PRKG2: variants seen among roughly 807,000 people sequenced by gnomAD.
PRKG2 encodes the protein protein kinase cGMP-dependent 2.
Under a neutral mutation model 97.2 loss-of-function variants are expected in PRKG2, and 33 were observed. That is an observed-to-expected ratio of 0.34 (90% CI 0.26 to 0.45). The LOEUF is 0.45. Ranked by LOEUF, PRKG2 falls within the 20% of genes least tolerant of loss-of-function variation. The pLI, the probability that PRKG2 is intolerant of heterozygous loss-of-function variation, is 1.00. For synonymous variants in PRKG2, 330 were observed against 321.8 expected (o/e 1.03, Z -0.27); for missense variants, 638 against 900.0 (o/e 0.71, Z 3.73).
At chr4:81,110,680 T>A in intron 14 of PRKG2, 69 bp from the exon 15 acceptor site, 1 of 1,557,342 alleles carries the variant, frequency 6.4e-7, no homozygotes, top group Non-Finnish European at 8.8e-7. Context: ...GCCTCCCTCT[T>A]ACCTCTGAAA....
intron 2 of PRKG2, among the ~76,000 whole-genome samples, chr4:81,197,043 C>T (rs747817663): frequency 6.6e-5 from 10 of 152,086 alleles, no homozygotes; most frequent in Non-Finnish European, 1.2e-4. Context: ...TAGAAAGAGG[C>T]GACAGGAGCT....
At chr4:81,201,745 G>A (rs1753327831) in intron 2 of PRKG2, among the ~76,000 whole-genome samples, 2 of 152,110 alleles carry the variant, frequency 1.3e-5, no homozygotes, top group South Asian at 4.1e-4. Flanking sequence ...GCTTCTATGG[G>A]TGCTTCATAT....
rs1578536747 is a variant in PRKG2, at chr4:81,214,051, C to T, written c.-14+885G>A. On this transcript the variant is annotated intron_variant, in intron 1 of 18. Coordinates refer to ENST00000264399, the MANE Select transcript of PRKG2 (RefSeq NM_006259.3). ...TGTTATGTGGGATGATCGCCTTCTT[C>T]ATGAGTTAAATAGAAACTTGCAAAG... is the stretch of plus-strand genomic sequence containing the variant. Among the ~76,000 whole-genome samples, 3 of 147,590 alleles carry T rather than the reference C, an allele frequency of 2.0e-5. No homozygotes were observed. The South Asian group carries it at 6.6e-4, about 32-fold the overall frequency.
chr4:81,143,990 C>T (rs1747552997), intron 10 of PRKG2, among the ~76,000 whole-genome samples: 1 of 152,106 alleles, frequency 6.6e-6, no homozygotes, highest in South Asian at 2.1e-4. Flanking sequence ...GATTAGAACA[C>T]CTCTCCCTAA....
At chr4:81,110,262 C>A (rs1743761699) in intron 15 of PRKG2, among the ~76,000 whole-genome samples, 186 bp downstream of exon 15, 2 of 152,042 alleles carry the variant, frequency 1.3e-5, no homozygotes, top group African/African-American at 4.8e-5. Context: ...CTTCCTGAAT[C>A]TTTTCTTTAT....
At chr4:81,121,713 C>T (rs1327080010) in intron 14 of PRKG2, among the ~76,000 whole-genome samples, 1 of 151,984 alleles carries the variant, frequency 6.6e-6, no homozygotes, top group Non-Finnish European at 1.5e-5. Context: ...TAATTTATAT[C>T]TTCACTCTTT....
At chr4:81,128,260 G>T (rs933798957) in intron 14 of PRKG2, among the ~76,000 whole-genome samples, 1 of 152,128 alleles carries the variant, frequency 6.6e-6, no homozygotes, top group Non-Finnish European at 1.5e-5. Flanking sequence ...TTTTCACATC[G>T]ATGTTCATCA....
At chr4:81,212,731 T>C (rs898770836) in intron 1 of PRKG2, among the ~76,000 whole-genome samples, 2 of 152,096 alleles carry the variant, frequency 1.3e-5, no homozygotes, top group Non-Finnish European at 2.9e-5. Flanking sequence ...AGTTGATGAA[T>C]TGGAGGCAAG....
intron 12 of PRKG2, 73 bp from the exon 13 acceptor site, chr4:81,137,555 TATC>T: frequency 1.7e-6 from 2 of 1,173,466 alleles, no homozygotes; most frequent in Non-Finnish European, 1.3e-6. Flanking sequence ...TGCTTAGAAC[TATC>T]ATCATAACAT....
intron 2 of PRKG2, among the ~76,000 whole-genome samples, chr4:81,188,013 T>C (rs1352467301): frequency 6.6e-6 from 1 of 152,148 alleles, no homozygotes; most frequent in Non-Finnish European, 1.5e-5. Context: ...AAAGCCAAAA[T>C]TGATAAATGG....
chr4:81,105,002 G>T (rs950983538), intron 16 of PRKG2, among the ~76,000 whole-genome samples: 3 of 152,202 alleles, frequency 2.0e-5, no homozygotes, highest in African/African-American at 7.2e-5. Context: ...TTTAAAAAAT[G>T]AAGATGGAAA....
At chr4:81,135,373 T>C in intron 13 of PRKG2, 77 bp from the exon 14 acceptor site, 2 of 1,434,016 alleles carry the variant, frequency 1.4e-6, no homozygotes, top group Non-Finnish European at 1.9e-6. Context: ...AATCAATTAT[T>C]GGATTGGCAG....
Position 81,142,858 on chromosome 4 carries a change from G to A in PRKG2, c.1343C>T (p.Ser448Phe). Residue 448 changes from serine to phenylalanine, a missense_variant, in exon 11 of 19, where the codon TCC (serine) becomes TTC (phenylalanine). By Grantham distance (155) the Ser-to-Phe change is radical (BLOSUM62 -2). Transcript: ENST00000264399. ...AATAATCTCAAGGTTCTGGAATGGGGATGATGAGGAAAATCTGGCCACCTT... is the reference window on the plus strand; with the variant it reads ...AATAATCTCAAGGTTCTGGAATGGGAATGATGAGGAAAATCTGGCCACCTT... ...KEKVARFSSS[S>F]PFQNLEIIAT... 6.2e-7 allele frequency: 1 copy of A among 1,613,394 alleles called. No individual in the cohort carries two copies. The highest frequency in any genetic ancestry group is 8.5e-7 in the Non-Finnish European group (1 of 1,179,516).
intron 14 of PRKG2, among the ~76,000 whole-genome samples, chr4:81,129,745 TCTC>T (rs2110017634): frequency 6.6e-6 from 1 of 152,286 alleles, no homozygotes; most frequent in East Asian, 1.9e-4. Context: ...ATGAGACGGT[TCTC>T]CTGAAAACAG....
In PRKG2 at chr4:81,137,249, G is replaced by A. The variant is rs1746801628; in HGVS notation, c.1634+144C>T. 4.6e-6 allele frequency: 3 copies of A among 656,538 alleles called. No homozygotes were observed. The Admixed American group carries it at 8.1e-5, about 18-fold the overall frequency. The allele number at this position is 656,538 out of a possible 1,614,324, so 40.7% of individuals were successfully genotyped here. On this transcript the variant is annotated intron_variant, in intron 13 of 18. Coordinates refer to ENST00000264399, the MANE Select transcript of PRKG2 (RefSeq NM_006259.3). ...GTGTTACGGCACTATTGTAGCATTA[G>A]CCAAGACAATATCACTATTACTACT...
At position 81,088,929 on chromosome 4, in the gene PRKG2, A is replaced by G. The variant is rs946085224; in HGVS notation, c.*779T>C. ...CGTTTTCTACTCTGGTTGTGAAAAT[A>G]TTTTAGCATCATTTAACCACACATT... On this transcript the variant is annotated 3_prime_UTR_variant, in exon 19 of 19. Coordinates refer to ENST00000264399, the MANE Select transcript of PRKG2 (RefSeq NM_006259.3). The G allele has an allele frequency of 1.1e-4, 16 of 152,202 alleles. No homozygotes were observed. The highest frequency in any genetic ancestry group is 2.2e-4 in the Non-Finnish European group (15 of 68,030). 9.4% of individuals were successfully genotyped at this position (152,202 alleles called of 1,614,324 possible).
intron 2 of PRKG2, among the ~76,000 whole-genome samples, chr4:81,184,688 T>G (rs762254195): frequency 8.6e-5 from 13 of 151,914 alleles, no homozygotes; most frequent in Non-Finnish European, 1.6e-4. Flanking sequence ...AATAACAAAA[T>G]CCTCTGAGAT....
intron 8 of PRKG2, 129 bp from the exon 9 acceptor site, chr4:81,149,081 T>A: frequency 1.2e-6 from 1 of 805,736 alleles, no homozygotes; most frequent in Non-Finnish European, 2.1e-6. Context: ...CTGCTGCTTT[T>A]AAACATCATA....
At chr4:81,188,261 C>T (rs1178748618) in intron 2 of PRKG2, among the ~76,000 whole-genome samples, 2 of 151,004 alleles carry the variant, frequency 1.3e-5, no homozygotes, top group South Asian at 4.1e-4. Context: ...AGCCAAAAAA[C>T]ACATGAAAAA....
Sources: allele counts gnomAD v4.1 joint callset (sites outside exome capture counted in the v4.1 genomes callset), GRCh38; gene constraint gnomAD v4.1.1; transcripts MANE v1.5; gene names NCBI Gene and HGNC (gene_info 2026-07-23, HGNC 2026-07-21).